Variants in GRAMD2B observed in about 807,000 individuals in gnomAD.
GRAMD2B encodes GRAM domain-containing protein 2B.
A neutral mutation model predicts 59.2 loss-of-function variants in GRAMD2B; 41 were observed. That is an observed-to-expected ratio of 0.69 (90% CI 0.54 to 0.90). GRAMD2B has a LOEUF of 0.90. Ranked by LOEUF, GRAMD2B falls within the 40% of genes least tolerant of loss-of-function variation. The probability of loss-of-function intolerance (pLI) is 0.00; values close to 1 mark genes in which losing one functional copy is unlikely to be tolerated. For missense variants in GRAMD2B, 424 were observed against 500.5 expected (o/e 0.85, Z 1.46); for synonymous variants, 161 against 182.7 (o/e 0.88, Z 0.96).
intron 1 of GRAMD2B, among the ~76,000 whole-genome samples, chr5:126,437,271 G>A (rs1411015732): frequency 1.3e-5 from 2 of 152,186 alleles, no homozygotes; most frequent in African/African-American, 2.4e-5. Context: ...ATGAGTTTGA[G>A]AAATTCTGAG....
At chr5:126,394,021 G>T (rs988680538) in intron 1 of GRAMD2B, among the ~76,000 whole-genome samples, 3 of 151,988 alleles carry the variant, frequency 2.0e-5, no homozygotes, top group African/African-American at 4.8e-5. Context: ...ACACCTGTTA[G>T]CCCAGCACTT....
intron 2 of GRAMD2B, among the ~76,000 whole-genome samples, chr5:126,466,043 T>C (rs939439697): frequency 6.6e-6 from 1 of 152,204 alleles, no homozygotes; most frequent in Non-Finnish European, 1.5e-5. Context: ...AGCCTCATCT[T>C]TCTCAGAGGC....
rs557099232 is a variant in GRAMD2B, at chr5:126,480,407, C to A, written c.583-49C>A. The A allele has an allele frequency of 7.9e-6, 11 of 1,383,714 alleles. No homozygotes were observed. The South Asian group carries it at 1.3e-4, about 16-fold the overall frequency. The allele number at this position is 1,383,714 out of a possible 1,614,324, so 85.7% of individuals were successfully genotyped here. On this transcript the variant is annotated intron_variant, in intron 6 of 13. Coordinates refer to ENST00000285689, the MANE Select transcript of GRAMD2B (RefSeq NM_023927.4). The stretch of plus-strand genomic sequence containing the variant: ...TACTTTTCTGAACTCTCAACTCTCA[C>A]TTCTCATCCGGCAATATCTATTCAT...
At chr5:126,462,367 GCTCA>G in intron 1 of GRAMD2B, 2 of 973,608 alleles carry the variant, frequency 2.1e-6, no homozygotes, top group South Asian at 4.7e-5. Context: ...CTCCCACGCT[GCTCA>G]CTCAAACACA....
chr5:126,389,798 A>G (rs568861260), intron 1 of GRAMD2B, among the ~76,000 whole-genome samples: 1 of 152,064 alleles, frequency 6.6e-6, no homozygotes, highest in Non-Finnish European at 1.5e-5. Context: ...AAATACAAAA[A>G]TTAGCTGGAT....
At chr5:126,417,395 A>G (rs1759350167) in intron 1 of GRAMD2B, among the ~76,000 whole-genome samples, 1 of 152,244 alleles carries the variant, frequency 6.6e-6, no homozygotes, top group Non-Finnish European at 1.5e-5. Flanking sequence ...AGCCACGTGG[A>G]GCACTGCACA....
At chr5:126,432,098 T>G (rs761327968) in intron 1 of GRAMD2B, among the ~76,000 whole-genome samples, 58 of 152,116 alleles carry the variant, frequency 3.8e-4, no homozygotes, top group Non-Finnish European at 6.9e-4. Context: ...CTGGCTATTT[T>G]TCTTATTTTT....
chr5:126,392,859 A>C (rs993085193), intron 1 of GRAMD2B, among the ~76,000 whole-genome samples: 1 of 152,168 alleles, frequency 6.6e-6, no homozygotes, highest in Non-Finnish European at 1.5e-5. Context: ...TTGTGCTCCT[A>C]TGAGAATCTA....
At chr5:126,408,987 A>G (rs1326243993) in intron 1 of GRAMD2B, among the ~76,000 whole-genome samples, 9 of 150,676 alleles carry the variant, frequency 6.0e-5, no homozygotes, top group Middle Eastern at 3.4e-3. Flanking sequence ...ATGATTTCCA[A>G]TTTCATCCAT....
upstream of GRAMD2B, chr5:126,423,356 C>A (rs937493040): frequency 9.1e-6 from 12 of 1,323,892 alleles, no homozygotes; most frequent in Admixed American, 3.8e-4. Flanking sequence ...GCTGTCACTT[C>A]GCTTCGACCC....
intron 1 of GRAMD2B, among the ~76,000 whole-genome samples, chr5:126,361,287 G>C (rs1754204795): frequency 6.6e-6 from 1 of 152,120 alleles, no homozygotes; most frequent in African/African-American, 2.4e-5. Context: ...GAAAAACACT[G>C]TCTGTGAGGC....
intron 1 of GRAMD2B, among the ~76,000 whole-genome samples, chr5:126,427,101 C>T (rs927676362): frequency 6.6e-6 from 1 of 152,152 alleles, no homozygotes; most frequent in Non-Finnish European, 1.5e-5. Context: ...CCAGAATACC[C>T]TTGCTCTAAC....
chr5:126,486,815 A>G (rs1773024391), intron 11 of GRAMD2B, 58 bp from the exon 12 acceptor site: 1 of 1,060,210 alleles, frequency 9.4e-7, no homozygotes, highest in Non-Finnish European at 1.5e-6. Flanking sequence ...GAGTTGTTTT[A>G]TGAACATCAG....
At chr5:126,417,187 A>G (rs1264418141) in intron 1 of GRAMD2B, among the ~76,000 whole-genome samples, 1 of 152,114 alleles carries the variant, frequency 6.6e-6, no homozygotes, top group Non-Finnish European at 1.5e-5. Context: ...CTCACCTTGA[A>G]TCTGGACTAG....
chr5:126,418,621 C>G (rs1759456930), upstream of GRAMD2B, among the ~76,000 whole-genome samples: 1 of 152,150 alleles, frequency 6.6e-6, no homozygotes, highest in African/African-American at 2.4e-5. Context: ...TTTCAAAGTC[C>G]TCCAGCATAG....
chr5:126,408,491 G>T (rs1025552413), intron 1 of GRAMD2B, among the ~76,000 whole-genome samples: 2 of 151,434 alleles, frequency 1.3e-5, no homozygotes, highest in Admixed American at 1.3e-4. Context: ...GAGTCAAAAT[G>T]GTAGTTCTGT....
At chr5:126,480,388 T>G (rs1771494454) in intron 6 of GRAMD2B, 68 bp from the exon 7 acceptor site, 1 of 1,137,946 alleles carries the variant, frequency 8.8e-7, no homozygotes, top group Non-Finnish European at 1.3e-6. Flanking sequence ...CAGATACTTT[T>G]CTGAACTCTC....
intron 1 of GRAMD2B, among the ~76,000 whole-genome samples, chr5:126,449,818 G>A (rs1489337822): frequency 6.6e-6 from 1 of 152,156 alleles, no homozygotes; most frequent in Non-Finnish European, 1.5e-5. Flanking sequence ...CCGAAACCTG[G>A]CCTCTGGGAG....
chr5:126,425,805 T>C (rs187726492), intron 1 of GRAMD2B, among the ~76,000 whole-genome samples: 56 of 152,098 alleles, frequency 3.7e-4, no homozygotes, highest in African/African-American at 1.3e-3. Flanking sequence ...AATTTAGAAG[T>C]TGGATTCATA....
Sources: allele counts gnomAD v4.1 joint callset (sites outside exome capture counted in the v4.1 genomes callset), GRCh38; gene constraint gnomAD v4.1.1; transcripts MANE v1.5; gene names NCBI Gene and HGNC (gene_info 2026-07-23, HGNC 2026-07-21).